Variants in INPP4A observed in about 807,000 individuals in gnomAD.
INPP4A encodes inositol polyphosphate-4-phosphatase type I A.
Under a neutral mutation model 119.8 loss-of-function variants are expected in INPP4A, and 33 were observed. That is an observed-to-expected ratio of 0.28 (90% confidence interval 0.21 to 0.37). INPP4A has a LOEUF of 0.37. INPP4A is among the 10% of genes least tolerant of loss of function. The pLI is 1.00. For synonymous variants in INPP4A, 496 were observed against 500.7 expected, an observed-to-expected ratio of 0.99 and a Z score of 0.12; for missense variants, 956 against 1,289.9, an observed-to-expected ratio of 0.74 and a Z score of 3.97.
chr2:98,526,917 GCTAGAACT>G (rs1454141667), intron 4 of INPP4A, among the ~76,000 whole-genome samples: 4 of 152,144 alleles, frequency 2.6e-5, no homozygotes, highest in African/African-American at 9.7e-5. Flanking sequence ...TAAACTCAGA[GCTAGAACT>G]CACTCATCAC....
intron 1 of INPP4A, among the ~76,000 whole-genome samples, chr2:98,514,491 T>A (rs926209641): frequency 6.6e-6 from 1 of 152,022 alleles, no homozygotes; most frequent in African/African-American, 2.4e-5. Flanking sequence ...ACCAATCCCA[T>A]GATTAGAGGG....
rs1239596981 is a variant in INPP4A at position 98,591,838 on chromosome 2, C to T, written c.*4230C>T. The T allele has an allele frequency of 6.6e-6, 1 of 152,244 alleles. No homozygotes were observed. Among genetic ancestry groups the T allele is most frequent in the Admixed American group, 6.5e-5 (1 of 15,286 alleles). The allele number at this position is 152,244 out of a possible 1,614,324, so 9.4% of individuals were successfully genotyped here. ...ATAACCTCCCTCTATTCTTTACCAG[C>T]ATCACACAGCAGGTTGGCACCATTT... On this transcript the variant is annotated 3_prime_UTR_variant, in exon 25 of 25. Coordinates refer to ENST00000409851, the MANE Select transcript of INPP4A (RefSeq NM_001134225.2).
chr2:98,446,237 G>T (rs1227840457), intron 1 of INPP4A, among the ~76,000 whole-genome samples: 1 of 152,218 alleles, frequency 6.6e-6, no homozygotes, highest in East Asian at 1.9e-4. Flanking sequence ...GCTTGCTATA[G>T]GTTGTCCTAG....
At chr2:98,511,412 C>T (rs1685103390) in intron 1 of INPP4A, among the ~76,000 whole-genome samples, 1 of 152,172 alleles carries the variant, frequency 6.6e-6, no homozygotes, top group Non-Finnish European at 1.5e-5. Context: ...GGATGTTTTG[C>T]AGCATGCTTG....
Position 98,576,986 on chromosome 2 carries a change from C to T in INPP4A, c.2632-3C>T. On this transcript the variant is annotated splice_region_variant and splice_polypyrimidine_tract_variant and intron_variant, in intron 23 of 24. Transcript: ENST00000409851. ...TAAGCACGGCCCATGTTTCTGTTGG[C>T]AGATCTGCCGCCGCCTTAATGGGGT... 6.2e-7 allele frequency: 1 copy of T among 1,609,748 alleles called. No individual in the cohort carries two copies. Among genetic ancestry groups the T allele is most frequent in the Non-Finnish European group, 8.5e-7 (1 of 1,176,756 alleles).
intron 1 of INPP4A, among the ~76,000 whole-genome samples, chr2:98,477,170 T>C (rs1311112634): frequency 6.6e-6 from 1 of 152,196 alleles, no homozygotes; most frequent in Non-Finnish European, 1.5e-5. Context: ...GAGCAGAAGG[T>C]GAAATGAGTT....
intron 22 of INPP4A, among the ~76,000 whole-genome samples, chr2:98,571,252 C>T (rs1697386451): frequency 6.6e-6 from 1 of 152,362 alleles, no homozygotes; most frequent in African/African-American, 2.4e-5. Flanking sequence ...ACCGGTTTCA[C>T]ACCCACTTGG....
rs1041616044 is a variant in INPP4A, at chr2:98,569,458, C to G, written c.2518+790C>G. On this transcript the variant is annotated intron_variant, in intron 22 of 24. Transcript: ENST00000409851. The surrounding 1 kb of genome is among the most constrained non-coding windows in gnomAD (Gnocchi z 5.1). The stretch of plus-strand genomic sequence containing the variant: ...CACTAGTGTCCTCTGATGGGGGTTT[C>G]CAAAGAGGGAACCCACATCGGCTGG... 2.0e-5 allele frequency: 3 copies of G among 152,250 alleles called. No homozygotes were observed. The highest frequency in any genetic ancestry group is 7.2e-5 in the African/African-American group (3 of 41,438). The allele number at this position is 152,250 out of a possible 1,614,324, so 9.4% of individuals were successfully genotyped here.
intron 1 of INPP4A, among the ~76,000 whole-genome samples, chr2:98,485,592 C>T (rs540744232): frequency 1.3e-5 from 2 of 152,038 alleles, no homozygotes; most frequent in African/African-American, 4.8e-5. Context: ...ACTCTCGCTT[C>T]GGGAACACTA....
Position 98,520,115 on chromosome 2 carries a change from A to G in INPP4A, c.67A>G (p.Ile23Val), listed in dbSNP as rs377151869. 5.1e-6 allele frequency: 8 copies of G among 1,570,086 alleles called. No homozygotes were observed. The highest frequency in any genetic ancestry group is 1.7e-4 in the Middle Eastern group (1 of 6,034). Residue 23 changes from isoleucine (I) to valine (V), a missense_variant, in exon 3 of 25, where the codon ATC becomes GTC. Ile to Val is a conservative substitution (Grantham distance 29, BLOSUM62 3). This residue lies in a region of INPP4A where 652 missense variants were observed against 797.9 expected (regional missense o/e 0.82). Transcript: ENST00000409851. The stretch of plus-strand genomic sequence containing the variant: ...CCGTGCAATGCAGCGGGCTTCCACC[A>G]TCGACGTGGCGGCCGACATGCTGGG... ...RARAMQRAST[I>V]DVAADMLGLS...
chr2:98,483,256 T>G (rs1678841043), intron 1 of INPP4A, among the ~76,000 whole-genome samples: 1 of 152,236 alleles, frequency 6.6e-6, no homozygotes, highest in African/African-American at 2.4e-5. Context: ...ACCCCAAATT[T>G]GCTTTTCATT....
intron 1 of INPP4A, among the ~76,000 whole-genome samples, chr2:98,497,873 CGGTA>C (rs1682344358): frequency 6.6e-6 from 1 of 152,124 alleles, no homozygotes; most frequent in Non-Finnish European, 1.5e-5. Flanking sequence ...TGCCTGGGAC[CGGTA>C]GCCCCTTTAT....
chr2:98,582,648 C>G (rs1699480787), intron 24 of INPP4A, among the ~76,000 whole-genome samples: 2 of 151,638 alleles, frequency 1.3e-5, no homozygotes, highest in South Asian at 4.2e-4. Flanking sequence ...AGATCACCTG[C>G]TGCATACGCC....
intron 4 of INPP4A, among the ~76,000 whole-genome samples, chr2:98,525,794 C>T (rs981669990): frequency 1.1e-4 from 17 of 152,160 alleles, no homozygotes; most frequent in Admixed American, 1.0e-3. Flanking sequence ...CAAATTAAAA[C>T]ACATCTATTA....
At chr2:98,533,247 T>G in intron 4 of INPP4A, 130 bp from the exon 5 acceptor site, 1 of 613,848 alleles carries the variant, frequency 1.6e-6, no homozygotes, top group Non-Finnish European at 2.9e-6. Context: ...CTGTGACAAC[T>G]GACGATGTGA....
Position 98,566,105 on chromosome 2 carries a change from C to T in INPP4A, c.2356C>T (p.Leu786=). 6.3e-7 allele frequency: 1 copy of T among 1,598,934 alleles called. No individual in the cohort carries two copies. Among genetic ancestry groups the T allele is most frequent in the Non-Finnish European group, 8.5e-7 (1 of 1,173,464 alleles). The change falls in exon 21 of 25, where the codon CTG becomes TTG. Residue 786 remains leucine (L), a synonymous_variant. Coordinates refer to ENST00000409851, the MANE Select transcript of INPP4A (RefSeq NM_001134225.2). This position sits in a 1 kb window ranked among gnomAD's most constrained non-coding sequence, Gnocchi z 4.2. ...ALPREIQSGM[L]LRVQPVLFNV... ...GCCCCGGGAGATCCAGAGTGGCATGCTGCTGCGAGTGCAGCCCGTCCTCTT... is the reference window on the plus strand; with the variant it reads ...GCCCCGGGAGATCCAGAGTGGCATGTTGCTGCGAGTGCAGCCCGTCCTCTT...
At chr2:98,577,951 T>G (rs1698701033) in intron 24 of INPP4A, among the ~76,000 whole-genome samples, 1 of 152,236 alleles carries the variant, frequency 6.6e-6, no homozygotes, top group Non-Finnish European at 1.5e-5. Flanking sequence ...TCTCACCAAA[T>G]TATTTAAAGT....
intron 4 of INPP4A, among the ~76,000 whole-genome samples, chr2:98,532,352 A>G (rs1689390987): frequency 1.3e-5 from 2 of 151,926 alleles, no homozygotes; most frequent in African/African-American, 4.8e-5. Context: ...CCTGTTGTGG[A>G]CACAATAACA....
chr2:98,463,478 G>A (rs948201437), intron 1 of INPP4A, among the ~76,000 whole-genome samples: 12 of 152,372 alleles, frequency 7.9e-5, no homozygotes, highest in East Asian at 3.9e-4. Context: ...CACGTTGCAC[G>A]TACATTTTGG....
Sources: gnomAD v4.1 joint callset for allele counts (sites outside exome capture counted in the v4.1 genomes callset) on GRCh38, gnomAD v4.1.1 for gene constraint, gnomAD v4.1.1 regional missense constraint, Gnocchi (gnomAD v3.1) non-coding constraint, MANE v1.5 for transcripts, NCBI Gene and HGNC (gene_info 2026-07-23, HGNC 2026-07-21) for gene names.